Variants in PDGFRL observed in about 807,000 individuals in gnomAD.
The protein encoded by PDGFRL is platelet-derived growth factor receptor-like protein.
PDGFRL carries 46 observed loss-of-function variants against 37.2 expected under a neutral mutation model. That is an observed-to-expected ratio of 1.24 (90% CI 0.98 to 1.58). The LOEUF (loss-of-function observed/expected upper bound fraction) is 1.58, where lower values mean the gene tolerates loss of function less well. PDGFRL is among the 40% of genes most tolerant of loss of function. PDGFRL has a pLI of 0.00. For missense variants in PDGFRL, 692 were observed against 467.6 expected (o/e 1.48, Z -4.43); for synonymous variants, 251 against 184.3 (o/e 1.36, Z -2.93).
At chr8:17,627,003 C>T (rs371577199) in intron 3 of PDGFRL, among the ~76,000 whole-genome samples, 61 of 152,328 alleles carry the variant, frequency 4.0e-4, no homozygotes, top group Middle Eastern at 3.4e-3. Flanking sequence ...TTCAAGCCGA[C>T]GCCATTCCCC....
intron 2 of PDGFRL, among the ~76,000 whole-genome samples, chr8:17,612,886 A>AT (rs1203042568): frequency 6.6e-6 from 1 of 152,146 alleles, no homozygotes; most frequent in Non-Finnish European, 1.5e-5. Context: ...TGTTGTGAAT[A>AT]TTTTTTATGT....
At chr8:17,596,392 A>T (rs887216054) in intron 2 of PDGFRL, 1 of 961,182 alleles carries the variant, frequency 1.0e-6, no homozygotes, top group Non-Finnish European at 1.4e-6. Flanking sequence ...TACCACGTAC[A>T]TTTTAAACGA....
chr8:17,626,916 A>G (rs769920810), intron 3 of PDGFRL, among the ~76,000 whole-genome samples: 1 of 152,074 alleles, frequency 6.6e-6, no homozygotes, highest in Non-Finnish European at 1.5e-5. Flanking sequence ...AAATGGGGGG[A>G]GATAAGAGAC....
chr8:17,616,519 C>CCA (rs1271829346), intron 2 of PDGFRL, among the ~76,000 whole-genome samples: 1 of 152,160 alleles, frequency 6.6e-6, no homozygotes, highest in African/African-American at 2.4e-5. Context: ...ATGCCTTTCA[C>CCA]CACAGTCTTC....
At chr8:17,602,621 T>A (rs948896247) in intron 2 of PDGFRL, among the ~76,000 whole-genome samples, 1 of 152,150 alleles carries the variant, frequency 6.6e-6, no homozygotes, top group Admixed American at 6.5e-5. Flanking sequence ...AAATTCCACA[T>A]TGATTTAGGG....
Position 17,631,638 on chromosome 8 carries a change from C to A in PDGFRL, c.800-2436C>A, listed in dbSNP as rs531715635. Among the ~76,000 whole-genome samples the A allele has an allele frequency of 5.3e-5, 8 of 152,280 alleles. No homozygotes were observed. The South Asian group carries it at 1.7e-3, about 32-fold the overall frequency. On this transcript the variant is annotated intron_variant, in intron 4 of 5. Transcript: ENST00000251630. ...CCTCCCACACACTCCTTTGCCCACTCCCATCTGGCCTTCTCCCTTGACTTC... is the reference window on the plus strand; with the variant it reads ...CCTCCCACACACTCCTTTGCCCACTACCATCTGGCCTTCTCCCTTGACTTC...
At chr8:17,604,624 T>C (rs1355158847) in intron 2 of PDGFRL, among the ~76,000 whole-genome samples, 1 of 152,016 alleles carries the variant, frequency 6.6e-6, no homozygotes, top group Admixed American at 6.6e-5. Context: ...TTAGGAGATA[T>C]ACCTAATGCT....
At chr8:17,615,316 G>A (rs1804500760) in intron 2 of PDGFRL, among the ~76,000 whole-genome samples, 1 of 39,960 alleles carries the variant, frequency 2.5e-5, no homozygotes, top group African/African-American at 4.8e-5. Flanking sequence ...TGATTTGGGA[G>A]TGTGTGTGTG....
chr8:17,598,635 A>G (rs185394506), intron 2 of PDGFRL, among the ~76,000 whole-genome samples: 10 of 152,294 alleles, frequency 6.6e-5, no homozygotes, highest in Non-Finnish European at 1.5e-5. Context: ...TTTCATATCT[A>G]TGGTGCTGTG....
intron 1 of PDGFRL, among the ~76,000 whole-genome samples, chr8:17,578,566 G>A (rs2517264): frequency 0.74 from 112,071 of 151,904 alleles, 42,684 homozygotes; most frequent in Non-Finnish European, 0.83. Context: ...AGGCCCTTGT[G>A]TGCAACCGCT....
intron 2 of PDGFRL, among the ~76,000 whole-genome samples, chr8:17,602,967 A>T (rs1015924380): frequency 6.6e-6 from 1 of 152,214 alleles, no homozygotes; most frequent in African/African-American, 2.4e-5. Context: ...CATTTTACAA[A>T]CAAATTTTAT....
chr8:17,598,573 C>T (rs1207350516), intron 2 of PDGFRL, among the ~76,000 whole-genome samples: 4 of 152,186 alleles, frequency 2.6e-5, no homozygotes, highest in South Asian at 4.1e-4. Context: ...GATGTGTACA[C>T]TGCATGTATT....
chr8:17,632,360 TAC>T (rs1804880503), intron 4 of PDGFRL, among the ~76,000 whole-genome samples: 1 of 151,490 alleles, frequency 6.6e-6, no homozygotes, highest in Non-Finnish European at 1.5e-5. Flanking sequence ...TTTTTTTTAA[TAC>T]AGAGTCTTGG....
chr8:17,577,105 CT>C, upstream of PDGFRL: 6 of 691,226 alleles, frequency 8.7e-6, no homozygotes, highest in South Asian at 2.2e-5. Flanking sequence ...AATTCCCCAA[CT>C]TTTTCCCCCA....
rs906404618 is a variant in PDGFRL, at chr8:17,624,839, C to A, written c.505+3637C>A. 2.6e-5 allele frequency among the ~76,000 whole-genome samples: 4 copies of A among 152,222 alleles called. No individual in the cohort carries two copies. The South Asian group carries it at 8.3e-4, about 32-fold the overall frequency. On this transcript the variant is annotated intron_variant, in intron 3 of 5. Transcript: ENST00000251630. ...ACAAGAATTGCTTACACCCAGGAGG[C>A]AGCGAGTCAAAGTTGCAGTGAGCCG...
chr8:17,621,112 G>A lies in PDGFRL; in HGVS notation c.415G>A (p.Gly139Ser). ...TLVNSTSADT[G>S]EFSCWVQLCS... is the part of the protein sequence containing the mutation. ...GGTCAACTCCACCTCGGCAGACACA[G>A]GTGAATTCAGCTGCTGGGTGCAGCT... is the stretch of plus-strand genomic sequence containing the variant. The change falls in exon 3 of 6, where the codon GGT (glycine) becomes AGT (serine). Residue 139 changes from glycine to serine, a missense_variant. Gly to Ser is a moderately conservative substitution (Grantham distance 56, BLOSUM62 0). Transcript: ENST00000251630. 1 of 1,612,434 alleles carries A rather than the reference G, an allele frequency of 6.2e-7. No individual in the cohort carries two copies. Among genetic ancestry groups the A allele is most frequent in the Non-Finnish European group, 8.5e-7 (1 of 1,178,884 alleles).
intron 2 of PDGFRL, among the ~76,000 whole-genome samples, chr8:17,599,020 G>T (rs1804111345): frequency 6.6e-6 from 1 of 152,146 alleles, no homozygotes; most frequent in Admixed American, 6.5e-5. Flanking sequence ...TTAGCAATGT[G>T]AGAACAGACT....
intron 3 of PDGFRL, among the ~76,000 whole-genome samples, chr8:17,624,800 C>T (rs1012199395): frequency 2.0e-5 from 3 of 151,996 alleles, no homozygotes; most frequent in South Asian, 2.1e-4. Flanking sequence ...TCCAGCTACT[C>T]GGGAGGCTGA....
rs561714777 is a variant in PDGFRL, at chr8:17,618,670, C to T, written c.354-2381C>T. Among the ~76,000 whole-genome samples the T allele has an allele frequency of 2.6e-5, 4 of 152,298 alleles. No individual in the cohort carries two copies. In the South Asian group the frequency reaches 8.3e-4, roughly 32 times the overall value. On this transcript the variant is annotated intron_variant, in intron 2 of 5. Coordinates refer to ENST00000251630, the MANE Select transcript of PDGFRL (RefSeq NM_001372073.1). ...CCTCTGCAAAATAGGGAGCTGGATG[C>T]CTGCCTCTCCAGATTCTTTCCTTTT... is the stretch of plus-strand genomic sequence containing the variant.
Sources: allele counts gnomAD v4.1 joint callset (sites outside exome capture counted in the v4.1 genomes callset), GRCh38; gene constraint gnomAD v4.1.1; transcripts MANE v1.5; gene names NCBI Gene and HGNC (gene_info 2026-07-23, HGNC 2026-07-21).